Variants in BCKDHB observed in about 807,000 individuals in gnomAD.
The protein encoded by BCKDHB is 2-oxoisovalerate dehydrogenase subunit beta, mitochondrial.
BCKDHB carries 41 observed loss-of-function variants against 48.5 expected under a neutral mutation model. The ratio of observed to expected loss-of-function variants is 0.85; its 90% confidence interval spans 0.66 to 1.10. The LOEUF (loss-of-function observed/expected upper bound fraction) is 1.10. Ranked by LOEUF, BCKDHB falls within the 50% of genes least tolerant of loss-of-function variation. The pLI is 0.00. For synonymous variants in BCKDHB, 201 were observed against 174.8 expected, an observed-to-expected ratio of 1.15 and a Z score of -1.18; for missense variants, 496 against 494.2, an observed-to-expected ratio of 1.00 and a Z score of -0.03.
intron 9 of BCKDHB, among the ~76,000 whole-genome samples, chr6:80,327,637 C>T (rs770892295): frequency 7.2e-5 from 11 of 152,146 alleles, no homozygotes; most frequent in Non-Finnish European, 1.5e-4. Flanking sequence ...AGTGTTTTCT[C>T]TGCCCTCTCT....
chr6:80,180,391 A>G (rs1051291959), intron 6 of BCKDHB, among the ~76,000 whole-genome samples: 3 of 152,222 alleles, frequency 2.0e-5, no homozygotes, highest in African/African-American at 7.2e-5. Flanking sequence ...AAAAATGTAC[A>G]AAATAGTGAT....
chr6:80,127,298 A>G (rs1770395014), intron 1 of BCKDHB: 1 of 449,408 alleles, frequency 2.2e-6, no homozygotes, highest in Admixed American at 3.4e-5. Flanking sequence ...TCACTTGGTT[A>G]TATTCCTTCT....
At chr6:80,123,199 C>T (rs768057878) in intron 1 of BCKDHB, among the ~76,000 whole-genome samples, 25 of 152,018 alleles carry the variant, frequency 1.6e-4, no homozygotes, top group Non-Finnish European at 3.1e-4. Context: ...TCAAGGTGCA[C>T]TGATTTCATA....
rs376078325 is a variant in BCKDHB at position 80,168,917 on chromosome 6, C to G, written c.520C>G (p.Leu174Val). ...AAKYRYRSGD[L>V]FNCGSLTIRS... The stretch of plus-strand genomic sequence containing the variant: ...CAAGTATCGCTATCGCTCTGGGGAT[C>G]TTTTTAACTGTGGAAGCCTCACTAT... Residue 174 changes from leucine to valine, a missense_variant, in exon 5 of 10, where the codon CTT becomes GTT. By Grantham distance (32) the Leu-to-Val change is conservative. Transcript: ENST00000320393. 13 of 1,614,008 alleles carry G rather than the reference C, an allele frequency of 8.1e-6. No homozygotes were observed. In the African/African-American group the frequency reaches 1.6e-4, roughly 20 times the overall value.
the BCKDHB span, among the ~76,000 whole-genome samples, chr6:80,411,163 G>T: frequency 6.6e-6 from 1 of 152,070 alleles, no homozygotes; most frequent in Non-Finnish European, 1.5e-5. Flanking sequence ...TGTTGATGCT[G>T]GTCCTTTCTG....
chr6:80,139,568 C>A (rs918006910), intron 3 of BCKDHB, among the ~76,000 whole-genome samples: 2 of 151,152 alleles, frequency 1.3e-5, no homozygotes, highest in Non-Finnish European at 3.0e-5. Context: ...GGAATCCTTT[C>A]CCCATTGCTT....
At chr6:80,147,480 T>C (rs970828425) in intron 3 of BCKDHB, among the ~76,000 whole-genome samples, 1 of 152,172 alleles carries the variant, frequency 6.6e-6, no homozygotes, top group Non-Finnish European at 1.5e-5. Context: ...CTATTAACTT[T>C]TTATGTTTAA....
intron 8 of BCKDHB, among the ~76,000 whole-genome samples, chr6:80,235,872 C>T (rs1013658352): frequency 4.6e-5 from 7 of 152,198 alleles, no homozygotes; most frequent in African/African-American, 4.8e-5. Context: ...CAGTGAGCAC[C>T]GGCACTGGGA....
intron 8 of BCKDHB, among the ~76,000 whole-genome samples, chr6:80,245,011 G>A (rs1394766002): frequency 1.3e-5 from 2 of 151,992 alleles, no homozygotes; most frequent in African/African-American, 4.8e-5. Context: ...GTGGTTCTTG[G>A]TTCTACTATT....
Position 80,343,985 on chromosome 6 carries a change from A to G in BCKDHB, c.*181A>G. ...TAGAAAAAAAATTCAAATTTATAGT[A>G]GTATATTTACATTTTTGTTGTTGTT... On this transcript the variant is annotated 3_prime_UTR_variant, in exon 10 of 10. Transcript: ENST00000320393. 1 of 708,848 alleles carries G rather than the reference A, an allele frequency of 1.4e-6. No homozygotes were observed. 43.9% of individuals were successfully genotyped at this position (708,848 alleles called of 1,614,324 possible).
At chr6:80,381,038 A>G in the BCKDHB span, among the ~76,000 whole-genome samples, 6 of 152,010 alleles carry the variant, frequency 3.9e-5, no homozygotes, top group South Asian at 2.1e-4. Flanking sequence ...AACAGTATTC[A>G]TATCTTATGT....
intron 9 of BCKDHB, among the ~76,000 whole-genome samples, chr6:80,329,241 C>T (rs1458127013): frequency 2.6e-5 from 4 of 152,232 alleles, no homozygotes; most frequent in African/African-American, 4.8e-5. Context: ...TTTAGTATTA[C>T]TCCTTAAAAA....
intron 3 of BCKDHB, among the ~76,000 whole-genome samples, chr6:80,141,531 T>C (rs115192493): frequency 0.014 from 2,185 of 152,238 alleles, 49 homozygotes; most frequent in African/African-American, 0.049. Context: ...TTTGACATTT[T>C]AAGTATCAGT....
intron 3 of BCKDHB, among the ~76,000 whole-genome samples, chr6:80,165,255 T>C (rs1010184719): frequency 1.3e-5 from 2 of 152,192 alleles, no homozygotes; most frequent in African/African-American, 4.8e-5. Context: ...TTTGGTTCAC[T>C]GGAATCATAG....
intron 6 of BCKDHB, among the ~76,000 whole-genome samples, chr6:80,188,473 C>CA (rs1007940069): frequency 2.0e-5 from 3 of 151,500 alleles, no homozygotes; most frequent in South Asian, 2.1e-4. Context: ...CCCGTCTCTA[C>CA]AAAAAAAATA....
intron 1 of BCKDHB, among the ~76,000 whole-genome samples, chr6:80,112,450 A>G (rs537517869): frequency 6.6e-6 from 1 of 152,368 alleles, no homozygotes. Context: ...AAGCCTGGAT[A>G]CATGCACCTC....
the BCKDHB span, among the ~76,000 whole-genome samples, chr6:80,432,006 T>C: frequency 4.6e-5 from 7 of 152,236 alleles, no homozygotes; most frequent in African/African-American, 1.4e-4. Context: ...TCTTTAAGAA[T>C]GTTGAATATT....
At chr6:80,437,414 C>T in the BCKDHB span, among the ~76,000 whole-genome samples, 1 of 152,070 alleles carries the variant, frequency 6.6e-6, no homozygotes, top group Non-Finnish European at 1.5e-5. Flanking sequence ...TCAAAAGTCA[C>T]AATTAGAGGG....
chr6:80,223,187 A>G (rs1457556627), intron 8 of BCKDHB, among the ~76,000 whole-genome samples: 2 of 152,204 alleles, frequency 1.3e-5, no homozygotes, highest in East Asian at 1.9e-4. Context: ...GTTCCAAATT[A>G]TATCTATCAT....
Sources: gnomAD v4.1 joint callset for allele counts (sites outside exome capture counted in the v4.1 genomes callset) on GRCh38, gnomAD v4.1.1 for gene constraint, MANE v1.5 for transcripts, NCBI Gene and HGNC (gene_info 2026-07-23, HGNC 2026-07-21) for gene names.